Variants in NFIB observed in about 807,000 individuals in gnomAD.
NFIB encodes nuclear factor I B.
Under a neutral mutation model 61.5 loss-of-function variants are expected in NFIB, and 11 were observed. The observed-to-expected ratio is 0.18, with a 90% CI of 0.11 to 0.30. The LOEUF is 0.30. NFIB is among the 10% of genes least tolerant of loss of function. NFIB has a pLI of 1.00. For synonymous variants in NFIB, 260 were observed against 216.5 expected, an observed-to-expected ratio of 1.20 and a Z score of -1.76; for missense variants, 471 against 608.9, an observed-to-expected ratio of 0.77 and a Z score of 2.38.
At chr9:14,486,337 T>A in the NFIB span, among the ~76,000 whole-genome samples, 1 of 152,108 alleles carries the variant, frequency 6.6e-6, no homozygotes, top group Admixed American at 6.6e-5. Flanking sequence ...AGATAGTCCA[T>A]GTCATCAACG....
chr9:14,100,639 G>A (rs555496273), intron 10 of NFIB, among the ~76,000 whole-genome samples: 14 of 152,330 alleles, frequency 9.2e-5, no homozygotes, highest in East Asian at 3.9e-4. Context: ...GCGTGAACCC[G>A]GGAGGCGGAG....
At chr9:14,473,893 G>T in the NFIB span, among the ~76,000 whole-genome samples, 1 of 152,116 alleles carries the variant, frequency 6.6e-6, no homozygotes, top group South Asian at 2.1e-4. Flanking sequence ...TCAGAACCAT[G>T]ACCGTTTTTC....
the NFIB span, among the ~76,000 whole-genome samples, chr9:14,504,126 A>G: frequency 2.0e-5 from 3 of 151,984 alleles, no homozygotes; most frequent in East Asian, 3.9e-4. Context: ...TCAGTTGGCT[A>G]TAAGTATTTG....
intron 2 of NFIB, among the ~76,000 whole-genome samples, chr9:14,234,972 C>T (rs2053599319): frequency 6.6e-6 from 1 of 151,800 alleles, no homozygotes; most frequent in Admixed American, 6.6e-5. Context: ...GTTGAATAAC[C>T]AAATCTTTTA....
At chr9:14,354,011 C>G (rs2061146315) in intron 1 of NFIB, among the ~76,000 whole-genome samples, 1 of 152,040 alleles carries the variant, frequency 6.6e-6, no homozygotes, top group Admixed American at 6.6e-5. Context: ...GTTCCAACCT[C>G]CCCTTCCTTC....
At chr9:14,492,369 A>G in the NFIB span, among the ~76,000 whole-genome samples, 1 of 151,192 alleles carries the variant, frequency 6.6e-6, no homozygotes, top group Non-Finnish European at 1.5e-5. Context: ...CCTCAAAATA[A>G]ATAAATAAAT....
chr9:14,418,344 A>G, the NFIB span, among the ~76,000 whole-genome samples: 36 of 152,106 alleles, frequency 2.4e-4, no homozygotes, highest in Non-Finnish European at 4.9e-4. Flanking sequence ...AACATCCACA[A>G]TGGCTCCCAC....
intron 2 of NFIB, among the ~76,000 whole-genome samples, chr9:14,290,004 T>G (rs2058984244): frequency 6.6e-6 from 1 of 152,078 alleles, no homozygotes; most frequent in South Asian, 2.1e-4. Flanking sequence ...TGTTCACTTT[T>G]ATCTCCCATT....
intron 3 of NFIB, among the ~76,000 whole-genome samples, chr9:14,159,772 G>T (rs184711417): frequency 6.6e-6 from 1 of 152,202 alleles, no homozygotes; most frequent in East Asian, 1.9e-4. Flanking sequence ...AATGGGCAGG[G>T]GTCCTGCAGT....
the NFIB span, among the ~76,000 whole-genome samples, chr9:14,447,909 G>C: frequency 6.6e-6 from 1 of 152,004 alleles, no homozygotes; most frequent in Admixed American, 6.6e-5. Context: ...CACATATTTA[G>C]ACAAGTTTTT....
the NFIB span, among the ~76,000 whole-genome samples, chr9:14,520,064 A>G: frequency 6.6e-6 from 1 of 152,218 alleles, no homozygotes; most frequent in East Asian, 1.9e-4. Context: ...ATAATGTTTA[A>G]CTTTCCTTCA....
chr9:14,225,717 T>C (rs2052314970), intron 2 of NFIB, among the ~76,000 whole-genome samples: 1 of 152,058 alleles, frequency 6.6e-6, no homozygotes, highest in Non-Finnish European at 1.5e-5. Flanking sequence ...GAGATTTGAC[T>C]CTATCAGAGT....
the NFIB span, among the ~76,000 whole-genome samples, chr9:14,465,819 A>G: frequency 6.6e-6 from 1 of 152,134 alleles, no homozygotes; most frequent in Non-Finnish European, 1.5e-5. Flanking sequence ...TGTGCACTGT[A>G]CGATGTTAAG....
the NFIB span, among the ~76,000 whole-genome samples, chr9:14,498,497 C>T: frequency 1.3e-5 from 2 of 152,250 alleles, no homozygotes; most frequent in East Asian, 1.9e-4. Flanking sequence ...TCTTTGAATA[C>T]GATGGACAAA....
At chr9:14,106,782 G>T (rs1003667536) in intron 10 of NFIB, among the ~76,000 whole-genome samples, 11 of 152,040 alleles carry the variant, frequency 7.2e-5, no homozygotes, top group Non-Finnish European at 1.5e-4. Flanking sequence ...TATTAACAGG[G>T]TCTTTTGTTA....
the NFIB span, among the ~76,000 whole-genome samples, chr9:14,443,954 C>T: frequency 6.6e-6 from 1 of 152,114 alleles, no homozygotes; most frequent in African/African-American, 2.4e-5. Flanking sequence ...AACTGTTAAA[C>T]AAAACATCAA....
Position 14,296,314 on chromosome 9 carries a change from G to A in NFIB, c.562+10675C>T, listed in dbSNP as rs76134400. On this transcript the variant is annotated intron_variant, in intron 2 of 10. Coordinates refer to ENST00000380953, the MANE Select transcript of NFIB (RefSeq NM_001190737.2). ...CAGTGAAGTAGGCATTTTAATCCTC[G>A]ATTTACAGAACAGAAAAGCAAAGCA... Among the ~76,000 whole-genome samples, 1,512 of 152,234 alleles carry A rather than the reference G, an allele frequency of 9.9e-3. 8 individuals are homozygous for A. The highest frequency in any genetic ancestry group is 0.016 in the Non-Finnish European group (1,109 of 68,010).
rs572826370 is a variant in NFIB at position 14,308,926 on chromosome 9, A to G, written c.31-1406T>C. Among the ~76,000 whole-genome samples, 6 of 152,252 alleles carry G rather than the reference A, an allele frequency of 3.9e-5. No homozygotes were observed. The East Asian group carries it at 7.7e-4, about 20-fold the overall frequency. On this transcript the variant is annotated intron_variant, in intron 1 of 10. Transcript: ENST00000380953. ...TGATTTAGGTAAAACCTGTCTTATAAGCTTAGGCCTATTACTGTTCAAAGA... is the reference window on the plus strand; with the variant it reads ...TGATTTAGGTAAAACCTGTCTTATAGGCTTAGGCCTATTACTGTTCAAAGA...
At chr9:14,350,515 G>A (rs866630267) in intron 1 of NFIB, among the ~76,000 whole-genome samples, 2 of 86,128 alleles carry the variant, frequency 2.3e-5, no homozygotes, top group East Asian at 5.4e-4. Flanking sequence ...TGGGTGGGGT[G>A]GGGGGGGAAG....
Sources: gnomAD v4.1 joint callset for allele counts (sites outside exome capture counted in the v4.1 genomes callset) on GRCh38, gnomAD v4.1.1 for gene constraint, MANE v1.5 for transcripts, NCBI Gene and HGNC (gene_info 2026-07-23, HGNC 2026-07-21) for gene names.